Variants in SLC9B1 observed in about 807,000 individuals in gnomAD.
SLC9B1 encodes solute carrier family 9 member B1.
Under a neutral mutation model 51.7 loss-of-function variants are expected in SLC9B1, and 32 were observed. That is an observed-to-expected ratio of 0.62 (90% confidence interval 0.47 to 0.83). The LOEUF is 0.83. Among genes scored for constraint, SLC9B1 ranks in the 40% least tolerant of loss-of-function variants. The pLI is 0.00. For missense variants in SLC9B1, 406 were observed against 613.2 expected (o/e 0.66, Z 3.57); for synonymous variants, 145 against 212.7 (o/e 0.68, Z 2.77).
chr4:102,966,668 A>G (rs1217100273), intron 3 of SLC9B1, among the ~76,000 whole-genome samples: 1 of 152,194 alleles, frequency 6.6e-6, no homozygotes, highest in Non-Finnish European at 1.5e-5. Flanking sequence ...CTGGAAAGGC[A>G]ACCTCAAAAA....
chr4:102,885,511 C>A, intron 11 of SLC9B1: 1 of 1,073,016 alleles, frequency 9.3e-7, no homozygotes, highest in Non-Finnish European at 1.4e-6. Context: ...TTTTGAAGTT[C>A]TTTAAGATGA....
At chr4:102,918,993 T>A (rs1182587586) in intron 7 of SLC9B1, among the ~76,000 whole-genome samples, 2 of 152,212 alleles carry the variant, frequency 1.3e-5, no homozygotes, top group South Asian at 4.1e-4. Flanking sequence ...CTGAGCTGTA[T>A]GTTGGCTCCT....
At chr4:103,010,123 C>T (rs549476816) in intron 1 of SLC9B1, among the ~76,000 whole-genome samples, 80 of 152,282 alleles carry the variant, frequency 5.3e-4, no homozygotes, top group Non-Finnish European at 8.8e-4. Context: ...TAAAGTGACA[C>T]GGTGTCTGTC....
intron 7 of SLC9B1, among the ~76,000 whole-genome samples, chr4:102,931,591 G>T (rs1325537769): frequency 6.6e-6 from 1 of 152,042 alleles, no homozygotes; most frequent in Non-Finnish European, 1.5e-5. Context: ...TACTAAATGT[G>T]GAAATGTTTA....
chr4:102,912,454 A>G (rs1201870983), intron 7 of SLC9B1, among the ~76,000 whole-genome samples: 2 of 152,306 alleles, frequency 1.3e-5, no homozygotes, highest in South Asian at 2.1e-4. Flanking sequence ...TAATATATCC[A>G]TACTTGTAGT....
chr4:103,013,891 C>T (rs1741196082), intron 1 of SLC9B1, among the ~76,000 whole-genome samples: 2 of 152,200 alleles, frequency 1.3e-5, no homozygotes, highest in African/African-American at 4.8e-5. Flanking sequence ...CTAGTCCAGT[C>T]CAGGCCATAA....
At chr4:102,961,470 TCTG>T (rs1738119469) in intron 3 of SLC9B1, among the ~76,000 whole-genome samples, 1 of 152,292 alleles carries the variant, frequency 6.6e-6, no homozygotes, top group African/African-American at 2.4e-5. Context: ...CTTTGTGCAT[TCTG>T]CTATTTTTAG....
intron 1 of SLC9B1, among the ~76,000 whole-genome samples, chr4:102,996,121 A>G (rs1250452361): frequency 6.6e-6 from 1 of 152,142 alleles, no homozygotes; most frequent in African/African-American, 2.4e-5. Flanking sequence ...GTGACATTGC[A>G]TTATGAATTT....
rs1025182090 is a variant in SLC9B1, at chr4:103,019,592, G to A, written c.-2+7C>T. 3 of 985,374 alleles carry A rather than the reference G, an allele frequency of 3.0e-6. No homozygotes were observed. In the African/African-American group the frequency reaches 5.2e-5, roughly 17 times the overall value. 61.0% of individuals were successfully genotyped at this position (985,374 alleles called of 1,614,324 possible). ...GGAAGGGCGGCGTTAAGAAAAATGGGCCGTACCTACAACTTCTTTCGCAGC... is the reference window on the plus strand; with the variant it reads ...GGAAGGGCGGCGTTAAGAAAAATGGACCGTACCTACAACTTCTTTCGCAGC... On this transcript the variant is annotated splice_region_variant and intron_variant, in intron 1 of 11. Coordinates refer to ENST00000296422, the MANE Select transcript of SLC9B1 (RefSeq NM_139173.4).
At chr4:102,885,420 G>A in intron 11 of SLC9B1, 2 of 1,613,550 alleles carry the variant, frequency 1.2e-6, no homozygotes, top group Non-Finnish European at 8.5e-7. Flanking sequence ...AGGTGTTGGC[G>A]TTCTAAAACG....
chr4:102,937,328 C>T (rs1736768579), intron 6 of SLC9B1, among the ~76,000 whole-genome samples: 2 of 148,098 alleles, frequency 1.4e-5, no homozygotes, highest in Non-Finnish European at 3.0e-5. Context: ...GTCTCAAATT[C>T]CCAACCTCGT....
chr4:103,010,078 A>C (rs1319344861), intron 1 of SLC9B1, among the ~76,000 whole-genome samples: 1 of 152,240 alleles, frequency 6.6e-6, no homozygotes, highest in Non-Finnish European at 1.5e-5. Context: ...CTTGATTTTA[A>C]ACCGTTTTCG....
intron 3 of SLC9B1, among the ~76,000 whole-genome samples, chr4:102,960,855 C>T (rs1738073791): frequency 6.6e-6 from 1 of 151,862 alleles, no homozygotes; most frequent in Non-Finnish European, 1.5e-5. Context: ...GCCTCAGCCT[C>T]CCGAGTAGCT....
intron 3 of SLC9B1, among the ~76,000 whole-genome samples, chr4:102,978,904 G>C (rs1739212508): frequency 6.6e-6 from 1 of 152,086 alleles, no homozygotes; most frequent in Non-Finnish European, 1.5e-5. Context: ...CTTTTTATTT[G>C]CTCTCTAGTA....
exon 12 of SLC9B1, chr4:102,885,240 C>T: frequency 6.2e-7 from 1 of 1,614,094 alleles, no homozygotes; most frequent in East Asian, 2.2e-5. Context: ...CGGTTATTGC[C>T]TTTCCTTGGT....
At chr4:102,892,405 A>C (rs1488224836) in intron 11 of SLC9B1, 1 of 152,198 alleles carries the variant, frequency 6.6e-6, no homozygotes, top group East Asian at 1.9e-4. Flanking sequence ...ATGTTGTAGC[A>C]AGCATCACTT....
rs746023135 is a variant in SLC9B1 at position 102,906,556 on chromosome 4, G to A, written c.1175C>T (p.Ser392Leu). 1.0e-5 allele frequency: 16 copies of A among 1,559,110 alleles called. No homozygotes were observed. The highest frequency in any genetic ancestry group is 5.7e-5 in the South Asian group (5 of 87,400). Residue 392 changes from serine (S) to leucine (L), a missense_variant, in exon 10 of 12, where the codon TCG (serine) becomes TTG (leucine). Physicochemically the swap from Ser to Leu is moderately radical, Grantham distance 145. Transcript: ENST00000296422. ...GLVGAEVSVS[S>L]LESNIVGISV... ...CTTACCAACAATATTTGATTCAAGCGATGAAACAGATACTTCTGCTCCAAC... is the reference window on the plus strand; with the variant it reads ...CTTACCAACAATATTTGATTCAAGCAATGAAACAGATACTTCTGCTCCAAC...
intron 3 of SLC9B1, among the ~76,000 whole-genome samples, chr4:102,957,386 T>C (rs1413090784): frequency 1.3e-5 from 2 of 152,182 alleles, no homozygotes; most frequent in Non-Finnish European, 2.9e-5. Flanking sequence ...CATAGTCAAA[T>C]TGGTGAAAAC....
At chr4:102,906,912 T>C (rs1326514891) in intron 9 of SLC9B1, among the ~76,000 whole-genome samples, 14 of 152,122 alleles carry the variant, frequency 9.2e-5, no homozygotes, top group African/African-American at 2.9e-4. Context: ...TTTATAGAGA[T>C]GGAGTCTTGC....
Sources: gnomAD v4.1 joint callset for allele counts (sites outside exome capture counted in the v4.1 genomes callset) on GRCh38, gnomAD v4.1.1 for gene constraint, MANE v1.5 for transcripts, NCBI Gene and HGNC (gene_info 2026-07-23, HGNC 2026-07-21) for gene names.